The following OR52K2 variants were observed in gnomAD, a reference collection of about 807,000 sequenced individuals.
OR52K2 encodes olfactory receptor family 52 subfamily K member 2.
Under a neutral mutation model 11.4 loss-of-function variants are expected in OR52K2, and 10 were observed. The observed-to-expected ratio is 0.88, with a 90% CI of 0.54 to 1.49. The LOEUF (loss-of-function observed/expected upper bound fraction) is 1.49, where lower values mean the gene tolerates loss of function less well. OR52K2 is among the 40% of genes most tolerant of loss of function. The pLI is 0.00. For synonymous variants in OR52K2, 199 were observed against 151.9 expected (o/e 1.31, Z -2.28); for missense variants, 465 against 393.3 (o/e 1.18, Z -1.54).
In OR52K2 at chr11:4,450,280, T is replaced by G; in HGVS notation, c.941T>G (p.Met314Arg). The G allele has an allele frequency of 6.2e-7, 1 of 1,604,910 alleles. No homozygotes were observed. Among genetic ancestry groups the G allele is most frequent in the Non-Finnish European group, 8.5e-7 (1 of 1,173,438 alleles). Residue 314 changes from methionine (M) to arginine (R), a missense_variant, in exon 1 of 1, where the codon ATG (methionine) becomes AGG (arginine). Physicochemically the swap from Met to Arg is moderately conservative, Grantham distance 91 (BLOSUM62 -1). Transcript: ENST00000325719. ...SILGVFPRKD[M>R] ...TTGGGAGTATTCCCAAGAAAGGATA[T>G]GTAGAGGGTGAGGTGGAGAAAGAAT...
In OR52K2 at chr11:4,449,512, A is replaced by G. The variant is rs1846064994; in HGVS notation, c.173A>G (p.His58Arg). The change falls in exon 1 of 1, where the codon CAT (histidine) becomes CGT (arginine). Residue 58 changes from histidine (H) to arginine (R), a missense_variant. Transcript: ENST00000325719. ...ATCATCCAGGCTGATGCAGCCCTCC[A>G]TGAACCCATGTACCTCTTTCTGGCC... is the stretch of plus-strand genomic sequence containing the variant. Reference protein sequence around the residue: ...LLIIQADAALHEPMYLFLAML... With the variant: ...LLIIQADAALREPMYLFLAML... 6.2e-7 allele frequency: 1 copy of G among 1,613,760 alleles called. No homozygotes were observed. Among genetic ancestry groups the G allele is most frequent in the Non-Finnish European group, 8.5e-7 (1 of 1,179,804 alleles).
chr11:4,449,338 C>T lies in OR52K2; in HGVS notation c.-2C>T. 6.6e-7 allele frequency: 1 copy of T among 1,507,356 alleles called. No homozygotes were observed. The highest frequency in any genetic ancestry group is 2.3e-5 in the Admixed American group (1 of 43,596). 93.4% of individuals were successfully genotyped at this position (1,507,356 alleles called of 1,614,324 possible). A position where few individuals can be genotyped will look rare whatever the true frequency, so the allele number is the denominator to read the frequency against. ...TAAGGAGGAAGAGAATTCCCAGGAG[C>T]CATGTCAGCCTCCAATATCACCTTA... On this transcript the variant is annotated 5_prime_UTR_variant, in exon 1 of 1. Transcript: ENST00000325719.
In OR52K2 at chr11:4,450,085, C is replaced by T. The variant is rs374490737; in HGVS notation, c.746C>T (p.Ala249Val). The T allele has an allele frequency of 6.4e-5, 103 of 1,614,002 alleles. No homozygotes were observed. Among genetic ancestry groups the T allele is most frequent in the Non-Finnish European group, 7.9e-5 (93 of 1,180,024 alleles). ...GGGACATGTGTCTCTCATATAGGTG[C>T]CATCTTAGCCTTCTACACAACTGTG... ...AFGTCVSHIGAILAFYTTVVI... is the reference protein window; with the variant it reads ...AFGTCVSHIGVILAFYTTVVI... Residue 249 changes from alanine (A) to valine (V), a missense_variant, in exon 1 of 1, where the codon GCC (alanine) becomes GTC (valine). By Grantham distance (64) the Ala-to-Val change is moderately conservative. Transcript: ENST00000325719.
In OR52K2 at chr11:4,449,354, T is replaced by C. The variant is rs1177586120; in HGVS notation, c.15T>C (p.Asn5=). 2 of 1,513,614 alleles carry C rather than the reference T, an allele frequency of 1.3e-6. No homozygotes were observed. Among genetic ancestry groups the C allele is most frequent in the African/African-American group, 1.4e-5 (1 of 71,578 alleles). The allele number at this position is 1,513,614 out of a possible 1,614,324, so 93.8% of individuals were successfully genotyped here. The part of the protein sequence containing the change: MSAS[N]ITLTHPTAFL... ...TCCCAGGAGCCATGTCAGCCTCCAATATCACCTTAACACATCCAACTGCCT... is the reference window on the plus strand; with the variant it reads ...TCCCAGGAGCCATGTCAGCCTCCAACATCACCTTAACACATCCAACTGCCT... Residue 5 remains asparagine, a synonymous_variant, in exon 1 of 1, where the codon AAT becomes AAC. Coordinates refer to ENST00000325719, the MANE Select transcript of OR52K2 (RefSeq NM_001005172.2).
chr11:4,449,944 T>C lies in OR52K2; in HGVS notation c.605T>C (p.Ile202Thr). 1 of 1,614,204 alleles carries C rather than the reference T, an allele frequency of 6.2e-7. No individual in the cohort carries two copies. The highest frequency in any genetic ancestry group is 1.1e-5 in the South Asian group (1 of 91,080). ...ACTAGCTTCAACAATATCTATGGCA[T>C]CGCTGTGGCCATGTTTATTGTGGTG... ...GDTSFNNIYGIAVAMFIVVLD... is the reference protein window; with the variant it reads ...GDTSFNNIYGTAVAMFIVVLD... The change falls in exon 1 of 1, where the codon ATC becomes ACC. Residue 202 changes from isoleucine to threonine, a missense_variant. Transcript: ENST00000325719.
Position 4,449,571 on chromosome 11 carries a change from T to A in OR52K2, c.232T>A (p.Ser78Thr). ...LAAIDLVLSS[S>T]ALPKMLAIFW... The stretch of plus-strand genomic sequence containing the variant: ...AGCCATCGACCTGGTCCTTTCCTCC[T>A]CAGCACTGCCCAAAATGCTTGCCAT... The change falls in exon 1 of 1, where the codon TCA becomes ACA. Residue 78 changes from serine (S) to threonine (T), a missense_variant. Coordinates refer to ENST00000325719, the MANE Select transcript of OR52K2 (RefSeq NM_001005172.2). 1.2e-6 allele frequency: 2 copies of A among 1,614,190 alleles called. No homozygotes were observed. The highest frequency in any genetic ancestry group is 1.7e-5 in the Admixed American group (1 of 60,016).
rs1354913250 is a variant in OR52K2 at position 4,449,498 on chromosome 11, T to G, written c.159T>G (p.Ala53=). Residue 53 remains alanine (A), a synonymous_variant, in exon 1 of 1, where the codon GCT becomes GCG. Transcript: ENST00000325719. ...GCACTCTCCTTCTCATCATCCAGGC[T>G]GATGCAGCCCTCCATGAACCCATGT... ...GNCTLLLIIQ[A]DAALHEPMYL... 4 of 1,613,026 alleles carry G rather than the reference T, an allele frequency of 2.5e-6. No homozygotes were observed.
chr11:4,449,348 C>G lies in OR52K2; in HGVS notation c.9C>G (p.Ala3=), dbSNP rs764681540. MS[A]SNITLTHPTA... ...GAGAATTCCCAGGAGCCATGTCAGC[C>G]TCCAATATCACCTTAACACATCCAA... The change falls in exon 1 of 1, where the codon GCC becomes GCG. Residue 3 remains alanine (A), a synonymous_variant. Coordinates refer to ENST00000325719, the MANE Select transcript of OR52K2 (RefSeq NM_001005172.2). 6.6e-7 allele frequency: 1 copy of G among 1,512,092 alleles called. No homozygotes were observed. The highest frequency in any genetic ancestry group is 2.3e-5 in the East Asian group (1 of 43,880). The allele number at this position is 1,512,092 out of a possible 1,614,324, so 93.7% of individuals were successfully genotyped here. A position where few individuals can be genotyped will look rare whatever the true frequency, so the allele number is the denominator to read the frequency against.
In OR52K2 at chr11:4,449,796, C is replaced by G. The variant is rs143862015; in HGVS notation, c.457C>G (p.Arg153Gly). ...CAAGATTGGCATGGCTGCTGTGGCC[C>G]GGGCTGTGACACTAATGACTCCACT... ...ITKIGMAAVA[R>G]AVTLMTPLPF... Residue 153 changes from arginine to glycine, a missense_variant, in exon 1 of 1, where the codon CGG becomes GGG. By Grantham distance (125) the Arg-to-Gly change is moderately radical. Transcript: ENST00000325719. 6.2e-7 allele frequency: 1 copy of G among 1,614,074 alleles called. No individual in the cohort carries two copies.
In OR52K2 at chr11:4,449,985, G is replaced by T. The variant is rs763260994; in HGVS notation, c.646G>T (p.Val216Phe). 1.9e-6 allele frequency: 3 copies of T among 1,614,154 alleles called. No individual in the cohort carries two copies. In the South Asian group the frequency reaches 3.3e-5, roughly 18 times the overall value. ...TATTGTGGTGTTGGACCTGCTCCTT[G>T]TTATCCTGTCTTATATCTTTATTCT... ...MFIVVLDLLL[V>F]ILSYIFILQA... The change falls in exon 1 of 1, where the codon GTT becomes TTT. Residue 216 changes from valine (V) to phenylalanine (F), a missense_variant. Physicochemically the swap from Val to Phe is conservative, Grantham distance 50. Coordinates refer to ENST00000325719, the MANE Select transcript of OR52K2 (RefSeq NM_001005172.2).
At position 4,450,141 on chromosome 11, in the gene OR52K2, C is replaced by A; in HGVS notation, c.802C>A (p.Arg268Ser). ...CTCTTCAGTCATGCACCGTGTAGCC[C>A]GCCATGCTGCCCCTCATGTCCACAT... is the stretch of plus-strand genomic sequence containing the variant. ...VISSVMHRVARHAAPHVHILL... is the reference protein window; with the variant it reads ...VISSVMHRVASHAAPHVHILL... The change falls in exon 1 of 1, where the codon CGC becomes AGC. Residue 268 changes from arginine to serine, a missense_variant. By Grantham distance (110) the Arg-to-Ser change is moderately radical (BLOSUM62 -1). Transcript: ENST00000325719. The A allele has an allele frequency of 6.2e-7, 1 of 1,614,134 alleles. No homozygotes were observed. Among genetic ancestry groups the A allele is most frequent in the South Asian group, 1.1e-5 (1 of 91,080 alleles).
chr11:4,449,318 A>G lies in OR52K2; in HGVS notation c.-22A>G. On this transcript the variant is annotated 5_prime_UTR_variant, in exon 1 of 1. Transcript: ENST00000325719. ...AAGGGCCCTGTGGAAGCAGATAAGG[A>G]GGAAGAGAATTCCCAGGAGCCATGT... The G allele has an allele frequency of 1.4e-6, 2 of 1,464,318 alleles. No individual in the cohort carries two copies. The highest frequency in any genetic ancestry group is 1.8e-6 in the Non-Finnish European group (2 of 1,090,148). The allele number at this position is 1,464,318 out of a possible 1,614,324, so 90.7% of individuals were successfully genotyped here.
At position 4,449,717 on chromosome 11, in the gene OR52K2, G is replaced by A; in HGVS notation, c.378G>A (p.Val126=). 3 of 1,614,160 alleles carry A rather than the reference G, an allele frequency of 1.9e-6. No homozygotes were observed. The highest frequency in any genetic ancestry group is 2.5e-6 in the Non-Finnish European group (3 of 1,180,032). ...VLLAMAFDRY[V]AICKPLHYTK... is the part of the protein sequence containing the mutation. ...TGGCCATGGCCTTTGACCGCTATGTGGCTATCTGCAAGCCACTGCACTACA... is the reference window on the plus strand; with the variant it reads ...TGGCCATGGCCTTTGACCGCTATGTAGCTATCTGCAAGCCACTGCACTACA... The change falls in exon 1 of 1, where the codon GTG becomes GTA. Residue 126 remains valine (V), a synonymous_variant. Coordinates refer to ENST00000325719, the MANE Select transcript of OR52K2 (RefSeq NM_001005172.2).
At position 4,449,636 on chromosome 11, in the gene OR52K2, T is replaced by C. The variant is rs747520405; in HGVS notation, c.297T>C (p.Cys99=). ...FRDREINFFA[C]LAQMFFLHSF... is the part of the protein sequence containing the mutation. ...ATCGGGAGATAAACTTCTTTGCCTG[T>C]CTGGCCCAGATGTTCTTCCTTCACT... Residue 99 remains cysteine, a synonymous_variant, in exon 1 of 1, where the codon TGT becomes TGC. Coordinates refer to ENST00000325719, the MANE Select transcript of OR52K2 (RefSeq NM_001005172.2). 6.2e-7 allele frequency: 1 copy of C among 1,614,084 alleles called. No individual in the cohort carries two copies. The highest frequency in any genetic ancestry group is 8.5e-7 in the Non-Finnish European group (1 of 1,180,024).
Position 4,450,078 on chromosome 11 carries a change from A to G in OR52K2, c.739A>G (p.Ile247Val), listed in dbSNP as rs1846071648. 1 of 1,613,974 alleles carries G rather than the reference A, an allele frequency of 6.2e-7. No homozygotes were observed. The highest frequency in any genetic ancestry group is 8.5e-7 in the Non-Finnish European group (1 of 1,180,028). ...YKAFGTCVSH[I>V]GAILAFYTTV... is the part of the protein sequence containing the mutation. ...GGCATTTGGGACATGTGTCTCTCAT[A>G]TAGGTGCCATCTTAGCCTTCTACAC... The change falls in exon 1 of 1, where the codon ATA (isoleucine) becomes GTA (valine). Residue 247 changes from isoleucine to valine, a missense_variant. Transcript: ENST00000325719.
chr11:4,449,966 G>T lies in OR52K2; in HGVS notation c.627G>T (p.Val209=), dbSNP rs768393208. ...IYGIAVAMFI[V]VLDLLLVILS... ...GCATCGCTGTGGCCATGTTTATTGT[G>T]GTGTTGGACCTGCTCCTTGTTATCC... is the stretch of plus-strand genomic sequence containing the variant. The change falls in exon 1 of 1, where the codon GTG becomes GTT. Residue 209 remains valine (V), a synonymous_variant. Transcript: ENST00000325719. The T allele has an allele frequency of 2.5e-6, 4 of 1,614,006 alleles. No homozygotes were observed. The Admixed American group carries it at 5.0e-5, about 20-fold the overall frequency.
chr11:4,450,227 C>G lies in OR52K2; in HGVS notation c.888C>G (p.Val296=). 7.4e-6 allele frequency: 12 copies of G among 1,613,922 alleles called. No homozygotes were observed. Among genetic ancestry groups the G allele is most frequent in the Non-Finnish European group, 9.3e-6 (11 of 1,179,984 alleles). Residue 296 remains valine (V), a synonymous_variant, in exon 1 of 1, where the codon GTC becomes GTG. Coordinates refer to ENST00000325719, the MANE Select transcript of OR52K2 (RefSeq NM_001005172.2). ...PPMVNPIIYG[V]KTKQIRESIL... ...TGGTCAATCCCATAATCTATGGTGT[C>G]AAGACCAAGCAAATCCGTGAGAGCA...
Position 4,449,972 on chromosome 11 carries a change from G to A in OR52K2, c.633G>A (p.Leu211=). The change falls in exon 1 of 1, where the codon TTG becomes TTA. Residue 211 remains leucine, a synonymous_variant. Transcript: ENST00000325719. The part of the protein sequence containing the change: ...GIAVAMFIVV[L]DLLLVILSYI... Reference sequence around the variant, plus strand: ...CTGTGGCCATGTTTATTGTGGTGTTGGACCTGCTCCTTGTTATCCTGTCTT... The same window carrying A: ...CTGTGGCCATGTTTATTGTGGTGTTAGACCTGCTCCTTGTTATCCTGTCTT... The A allele has an allele frequency of 6.2e-7, 1 of 1,614,138 alleles. No homozygotes were observed. The highest frequency in any genetic ancestry group is 1.3e-5 in the African/African-American group (1 of 75,028).
chr11:4,450,247 A>T lies in OR52K2; in HGVS notation c.908A>T (p.Glu303Val), dbSNP rs771161471. The change falls in exon 1 of 1, where the codon GAG (glutamate) becomes GTG (valine). Residue 303 changes from glutamate to valine, a missense_variant. By Grantham distance (121) the Glu-to-Val change is moderately radical. Coordinates refer to ENST00000325719, the MANE Select transcript of OR52K2 (RefSeq NM_001005172.2). ...IYGVKTKQIR[E>V]SILGVFPRKD... ...GGTGTCAAGACCAAGCAAATCCGTG[A>T]GAGCATCTTGGGAGTATTCCCAAGA... 6.2e-7 allele frequency: 1 copy of T among 1,613,766 alleles called. No homozygotes were observed. The highest frequency in any genetic ancestry group is 1.3e-5 in the African/African-American group (1 of 74,862).
Sources: allele counts gnomAD v4.1 joint callset, GRCh38; gene constraint gnomAD v4.1.1; transcripts MANE v1.5; gene names NCBI Gene and HGNC (gene_info 2026-07-23, HGNC 2026-07-21).